Variants in DOCK10 observed in about 807,000 individuals in gnomAD.
The protein encoded by DOCK10 is dedicator of cytokinesis 10.
A neutral mutation model predicts 280.1 loss-of-function variants in DOCK10; 145 were observed. The ratio of observed to expected loss-of-function variants is 0.52; its 90% confidence interval spans 0.45 to 0.59. The LOEUF (loss-of-function observed/expected upper bound fraction) is 0.59. Ranked by LOEUF, DOCK10 falls within the 20% of genes least tolerant of loss-of-function variation. The probability of loss-of-function intolerance (pLI) is 0.00; values close to 1 mark genes in which losing one functional copy is unlikely to be tolerated. For missense variants in DOCK10, 2,368 were observed against 2,651.7 expected (o/e 0.89, Z 2.35); for synonymous variants, 915 against 942.2 (o/e 0.97, Z 0.53).
intron 40 of DOCK10, 137 bp from the exon 41 acceptor site, chr2:224,800,400 T>C: frequency 1.9e-6 from 1 of 522,380 alleles, no homozygotes; most frequent in South Asian, 3.1e-5. Flanking sequence ...AGTGTTTTTG[T>C]TTGTTCAGTT....
In DOCK10 at chr2:224,931,621, A is replaced by C. The variant is rs772388011; in HGVS notation, c.171T>G (p.Ile57Met). ...LLEPLDYETVIEELEKTYRND... is the reference protein window; with the variant it reads ...LLEPLDYETVMEELEKTYRND... The stretch of plus-strand genomic sequence containing the variant: ...TCCGGTAGGTCTTTTCAAGTTCTTC[A>C]ATGACAGTCTCATAATCCAAAGGCT... Residue 57 changes from isoleucine (I) to methionine (M), a missense_variant, in exon 2 of 56, where the codon ATT (isoleucine) becomes ATG (methionine). Physicochemically the swap from Ile to Met is conservative, Grantham distance 10. Around this residue, in one of 2 missense-constraint regions of DOCK10, gnomAD observed 1,209 missense variants for 1,250.9 expected, o/e 0.97. Coordinates refer to ENST00000258390, the MANE Select transcript of DOCK10 (RefSeq NM_014689.3). The C allele has an allele frequency of 6.2e-7, 1 of 1,611,638 alleles. No homozygotes were observed. The highest frequency in any genetic ancestry group is 8.5e-7 in the Non-Finnish European group (1 of 1,178,866).
At chr2:224,995,632 G>A (rs2126276367) in intron 1 of DOCK10, among the ~76,000 whole-genome samples, 1 of 152,306 alleles carries the variant, frequency 6.6e-6, no homozygotes, top group African/African-American at 2.4e-5. Flanking sequence ...ACCATGGAGA[G>A]CCACCCAGTC....
chr2:224,816,767 AAAAC>A (rs1202794935), intron 29 of DOCK10, 54 bp from the exon 30 acceptor site: 7 of 994,510 alleles, frequency 7.0e-6, no homozygotes, highest in South Asian at 4.4e-5. Context: ...AAACTGAATA[AAAAC>A]AAACAAACAA....
chr2:224,996,531 G>A (rs1706276833), intron 1 of DOCK10, among the ~76,000 whole-genome samples: 1 of 152,186 alleles, frequency 6.6e-6, no homozygotes. Context: ...GAAAGTGAGA[G>A]GGTGCTATTA....
At chr2:224,804,946 G>A (rs1256246974) in intron 37 of DOCK10, 105 bp from the exon 38 acceptor site, 2 of 1,233,046 alleles carry the variant, frequency 1.6e-6, no homozygotes, top group African/African-American at 3.1e-5. Context: ...TCTTTAAATA[G>A]TTCATATATT....
intron 4 of DOCK10, among the ~76,000 whole-genome samples, chr2:224,894,951 C>T (rs996346629): frequency 2.0e-5 from 3 of 152,176 alleles, no homozygotes; most frequent in Non-Finnish European, 2.9e-5. Flanking sequence ...AATCCAAGCT[C>T]CTTTCCAGGG....
In DOCK10 at chr2:224,982,071, C is replaced by G. The variant is rs923048858; in HGVS notation, c.124-50403G>C. On this transcript the variant is annotated intron_variant, in intron 1 of 55. Coordinates refer to ENST00000258390, the MANE Select transcript of DOCK10 (RefSeq NM_014689.3). Reference sequence around the variant, plus strand: ...TAGAAATAGTTCCGAAAGATTTTCCCCAAACAGTACTTCAGAGTAGTAAAC... The same window carrying G: ...TAGAAATAGTTCCGAAAGATTTTCCGCAAACAGTACTTCAGAGTAGTAAAC... 1.4e-5 allele frequency: 8 copies of G among 574,694 alleles called. No individual in the cohort carries two copies. The African/African-American group carries it at 1.5e-4, about 11-fold the overall frequency. 35.6% of individuals were successfully genotyped at this position (574,694 alleles called of 1,614,324 possible).
chr2:224,858,779 A>G (rs902211682), intron 14 of DOCK10, among the ~76,000 whole-genome samples: 1 of 152,212 alleles, frequency 6.6e-6, no homozygotes, highest in African/African-American at 2.4e-5. Context: ...TGATCAGTAT[A>G]TTGTGAGGAT....
intron 1 of DOCK10, among the ~76,000 whole-genome samples, chr2:225,010,276 C>A (rs1162066680): frequency 6.6e-6 from 1 of 152,176 alleles, no homozygotes; most frequent in African/African-American, 2.4e-5. Flanking sequence ...TTATTAGTGT[C>A]TCATGGGCCA....
intron 1 of DOCK10, among the ~76,000 whole-genome samples, chr2:224,979,105 C>T (rs1477888671): frequency 6.6e-6 from 1 of 152,186 alleles, no homozygotes; most frequent in Non-Finnish European, 1.5e-5. Context: ...GGTCTCCCTG[C>T]TTTGACCCTT....
intron 42 of DOCK10, 113 bp from the exon 43 acceptor site, chr2:224,797,259 T>TG (rs2125144313): frequency 1.2e-6 from 1 of 802,786 alleles, no homozygotes; most frequent in South Asian, 3.0e-5. Context: ...TTTTTTAACT[T>TG]GGTCTATTTT....
chr2:224,800,993 T>A (rs768701748), intron 40 of DOCK10, among the ~76,000 whole-genome samples: 3 of 152,126 alleles, frequency 2.0e-5, no homozygotes, highest in Non-Finnish European at 4.4e-5. Context: ...GATTGGCGAT[T>A]GGTAGAAAGA....
chr2:224,876,424 A>C (rs1698632595), intron 7 of DOCK10, among the ~76,000 whole-genome samples: 1 of 152,178 alleles, frequency 6.6e-6, no homozygotes, highest in African/African-American at 2.4e-5. Context: ...ACTAAGAAAT[A>C]TCTTATTTAG....
chr2:224,852,745 T>C lies in DOCK10; in HGVS notation c.2076+190A>G, dbSNP rs542373807. Among the ~76,000 whole-genome samples, 77 of 152,338 alleles carry C rather than the reference T, an allele frequency of 5.1e-4. 1 individual carries two copies. In the South Asian group the frequency reaches 0.015, roughly 30 times the overall value. On this transcript the variant is annotated intron_variant, in intron 17 of 55. Transcript: ENST00000258390. ...GATTTAGAAAAGATTATTAATATGC[T>C]ACGAAACTGCATCCTTAAACACTTC...
intron 7 of DOCK10, among the ~76,000 whole-genome samples, chr2:224,879,054 AAG>A (rs1185567029): frequency 6.6e-5 from 10 of 152,238 alleles, no homozygotes; most frequent in Non-Finnish European, 1.3e-4. Context: ...TGTTTTGAAA[AAG>A]AGGTACTGGG....
chr2:224,804,442 ATTAC>A (rs909494319), intron 38 of DOCK10, among the ~76,000 whole-genome samples: 1 of 144,416 alleles, frequency 6.9e-6, no homozygotes, highest in African/African-American at 2.8e-5. Flanking sequence ...GTTATTCCAG[ATTAC>A]TTGTTTTTTT....
chr2:224,906,109 TAGGTAATAGCCCA>T (rs1194342124), intron 3 of DOCK10, among the ~76,000 whole-genome samples: 4 of 152,176 alleles, frequency 2.6e-5, no homozygotes, highest in African/African-American at 9.7e-5. Flanking sequence ...CACAACCATC[TAGGTAATAGCCCA>T]AGCCATAATT....
At chr2:224,944,559 G>A (rs1403588351) in intron 1 of DOCK10, among the ~76,000 whole-genome samples, 1 of 152,188 alleles carries the variant, frequency 6.6e-6, no homozygotes, top group African/African-American at 2.4e-5. Context: ...GCATTTTACA[G>A]AAGAGGAAAC....
intron 3 of DOCK10, among the ~76,000 whole-genome samples, chr2:224,913,116 A>G (rs1332450406): frequency 1.3e-5 from 2 of 152,204 alleles, no homozygotes; most frequent in African/African-American, 4.8e-5. Flanking sequence ...ATTACAAAAT[A>G]TAAATGTGAA....
Sources: gnomAD v4.1 joint callset for allele counts (sites outside exome capture counted in the v4.1 genomes callset) on GRCh38, gnomAD v4.1.1 for gene constraint, gnomAD v4.1.1 regional missense constraint, MANE v1.5 for transcripts, NCBI Gene and HGNC (gene_info 2026-07-23, HGNC 2026-07-21) for gene names.